KLHL12: variants seen among roughly 807,000 people sequenced by gnomAD.
The protein encoded by KLHL12 is kelch like family member 12.
Under a neutral mutation model 60.8 loss-of-function variants are expected in KLHL12, and 17 were observed. That is an observed-to-expected ratio of 0.28 (90% CI 0.19 to 0.42). The LOEUF is 0.42. Among genes scored for constraint, KLHL12 ranks in the 10% least tolerant of loss-of-function variants. KLHL12 has a pLI of 1.00. For missense variants in KLHL12, 468 were observed against 722.3 expected (o/e 0.65, Z 4.04); for synonymous variants, 220 against 250.9 (o/e 0.88, Z 1.16).
intron 9 of KLHL12, 54 bp from the exon 10 acceptor site, chr1:202,894,336 G>C (rs1424052378): frequency 7.8e-7 from 1 of 1,289,406 alleles, no homozygotes; most frequent in Non-Finnish European, 1.1e-6. Context: ...GCCCATTCCT[G>C]GTCGGTTTTT....
At chr1:202,927,910 A>G (rs1653690174), upstream of KLHL12, among the ~76,000 whole-genome samples, 3 of 147,224 alleles carry the variant, frequency 2.0e-5, no homozygotes, top group South Asian at 6.7e-4. Flanking sequence ...AGAACCTGGG[A>G]GGCGGAGGTT....
chr1:202,927,981 T>TAA (rs375809629), upstream of KLHL12, among the ~76,000 whole-genome samples: 1,055 of 103,624 alleles, frequency 0.01, 19 homozygotes, highest in African/African-American at 0.016. Flanking sequence ...CTCTGTCTCT[T>TAA]AAAAAAAAAA....
At chr1:202,919,042 G>A (rs894807670) in intron 3 of KLHL12, among the ~76,000 whole-genome samples, 4 of 152,178 alleles carry the variant, frequency 2.6e-5, no homozygotes, top group Non-Finnish European at 4.4e-5. Context: ...TCGAGCCCAC[G>A]AGCTTGAGAC....
chr1:202,907,829 G>A (rs1434514173), intron 6 of KLHL12, among the ~76,000 whole-genome samples: 1 of 151,478 alleles, frequency 6.6e-6, no homozygotes, highest in Non-Finnish European at 1.5e-5. Context: ...GACTGCTTGA[G>A]TCCAGGAGGC....
chr1:202,911,207 T>A lies in KLHL12; in HGVS notation c.568-4A>T, dbSNP rs759622136. On this transcript the variant is annotated splice_polypyrimidine_tract_variant and splice_region_variant and intron_variant, in intron 4 of 11. Transcript: ENST00000367261. ...AGACTGGCTCTTCAGAATCCACCTG[T>A]AAATGTATAATTACACACCGTGGAT... is the stretch of plus-strand genomic sequence containing the variant. 3 of 1,613,920 alleles carry A rather than the reference T, an allele frequency of 1.9e-6. No homozygotes were observed. Among genetic ancestry groups the A allele is most frequent in the Non-Finnish European group, 1.7e-6 (2 of 1,179,878 alleles).
rs557590643 is a variant in KLHL12 at position 202,912,196 on chromosome 1, T to C, written c.568-993A>G. ...TCACCTAAGAGATAATTTGAACAGTTTGGAAAAACGGAAGTGATTGAAATC... is the reference window on the plus strand; with the variant it reads ...TCACCTAAGAGATAATTTGAACAGTCTGGAAAAACGGAAGTGATTGAAATC... On this transcript the variant is annotated intron_variant, in intron 4 of 11. Transcript: ENST00000367261. 10 of 975,670 alleles carry C rather than the reference T, an allele frequency of 1.0e-5. No homozygotes were observed. The South Asian group carries it at 1.1e-4, about 11-fold the overall frequency. The allele number at this position is 975,670 out of a possible 1,614,324, so 60.4% of individuals were successfully genotyped here.
Position 202,892,199 on chromosome 1 carries a change from CAT to C in KLHL12, c.*332_*333del. On this transcript the variant is annotated 3_prime_UTR_variant, in exon 12 of 12. Coordinates refer to ENST00000367261, the MANE Select transcript of KLHL12 (RefSeq NM_021633.4). ...CTATACTCACCTTAGTTCTTTGCAACATATGAGGCACAACATACATATAGTAC... is the reference window on the plus strand; with the variant it reads ...CTATACTCACCTTAGTTCTTTGCAACATGAGGCACAACATACATATAGTAC... 4.9e-6 allele frequency: 1 copy of C among 203,208 alleles called. No homozygotes were observed. Among genetic ancestry groups the C allele is most frequent in the Non-Finnish European group, 1.0e-5 (1 of 100,458 alleles). The allele number at this position is 203,208 out of a possible 1,614,324, so 12.6% of individuals were successfully genotyped here.
At chr1:202,894,854 A>G in intron 8 of KLHL12, 105 bp from the exon 9 acceptor site, 7 of 890,962 alleles carry the variant, frequency 7.9e-6, no homozygotes, top group Non-Finnish European at 1.1e-5. Flanking sequence ...GAGAGCAAAA[A>G]CAAAGTATTT....
At chr1:202,904,059 C>T (rs892593627) in intron 6 of KLHL12, among the ~76,000 whole-genome samples, 1 of 151,960 alleles carries the variant, frequency 6.6e-6, no homozygotes, top group East Asian at 1.9e-4. Flanking sequence ...GCTCTTGTTG[C>T]CCAGGCTGGA....
rs1660299689 is a variant in KLHL12, at chr1:202,909,724, T to C, written c.718-600A>G. ...AGGGCTTCCTATGCCTTCTAGCTTC[T>C]GGTTGGGATCAGCCCAACCAAAGGT... On this transcript the variant is annotated intron_variant, in intron 5 of 11. Transcript: ENST00000367261. The surrounding 1 kb of genome is among the most constrained non-coding windows in gnomAD (Gnocchi z 4.1). Among the ~76,000 whole-genome samples, 1 of 152,222 alleles carries C rather than the reference T, an allele frequency of 6.6e-6. No individual in the cohort carries two copies. Among genetic ancestry groups the C allele is most frequent in the Non-Finnish European group, 1.5e-5 (1 of 68,032 alleles).
intron 4 of KLHL12, among the ~76,000 whole-genome samples, chr1:202,913,420 C>G (rs533678490): frequency 6.6e-6 from 1 of 152,280 alleles, no homozygotes; most frequent in Admixed American, 6.5e-5. Flanking sequence ...TCTAAAAACG[C>G]AGATGTTTCA....
At chr1:202,919,375 C>G (rs1660616539) in intron 3 of KLHL12, among the ~76,000 whole-genome samples, 1 of 152,170 alleles carries the variant, frequency 6.6e-6, no homozygotes, top group Admixed American at 6.5e-5. Context: ...TAATGAAATA[C>G]TACCACTTAA....
intron 6 of KLHL12, among the ~76,000 whole-genome samples, chr1:202,908,361 C>T (rs1660258659): frequency 6.6e-6 from 1 of 152,198 alleles, no homozygotes; most frequent in African/African-American, 2.4e-5. Context: ...AGCTAATACA[C>T]ATAGTTATTA....
rs376280169 is a variant in KLHL12, at chr1:202,892,342, C to T, written c.*191G>A. On this transcript the variant is annotated 3_prime_UTR_variant, in exon 12 of 12. Transcript: ENST00000367261. ...ATTCTTTTTCCTGGAATATCTGTTA[C>T]CCACCCTTCTCAGGAACAAGAACCA... 2.8e-5 allele frequency: 16 copies of T among 562,634 alleles called. No homozygotes were observed. Among genetic ancestry groups the T allele is most frequent in the African/African-American group, 2.3e-4 (12 of 52,500 alleles). The allele number at this position is 562,634 out of a possible 1,614,324, so 34.9% of individuals were successfully genotyped here.
intron 9 of KLHL12, 147 bp from the exon 10 acceptor site, chr1:202,894,429 T>G: frequency 1.1e-6 from 1 of 892,144 alleles, no homozygotes; most frequent in Non-Finnish European, 1.8e-6. Flanking sequence ...GACATTATGC[T>G]TATAAGAAAA....
At chr1:202,920,743 T>C (rs1330962156) in intron 2 of KLHL12, among the ~76,000 whole-genome samples, 1 of 152,180 alleles carries the variant, frequency 6.6e-6, no homozygotes, top group Non-Finnish European at 1.5e-5. Context: ...AAGTAGGTAG[T>C]TATCTATACG....
At chr1:202,917,135 A>G (rs1459734922) in intron 4 of KLHL12, among the ~76,000 whole-genome samples, 2 of 152,184 alleles carry the variant, frequency 1.3e-5, no homozygotes, top group African/African-American at 4.8e-5. Flanking sequence ...TAGAATTAGG[A>G]TTGACTTTTC....
At chr1:202,901,963 A>C (rs547749265) in intron 6 of KLHL12, among the ~76,000 whole-genome samples, 6 of 152,354 alleles carry the variant, frequency 3.9e-5, no homozygotes, top group Admixed American at 2.6e-4. Context: ...GTTGAAAAGA[A>C]TTGAAAAGTA....
intron 4 of KLHL12, among the ~76,000 whole-genome samples, chr1:202,917,713 A>C (rs959625956): frequency 6.6e-6 from 1 of 152,130 alleles, no homozygotes; most frequent in Non-Finnish European, 1.5e-5. Flanking sequence ...TATTCTCATG[A>C]TCCTCTTTAT....
Sources: allele counts gnomAD v4.1 joint callset (sites outside exome capture counted in the v4.1 genomes callset), GRCh38; gene constraint gnomAD v4.1.1; non-coding constraint Gnocchi (gnomAD v3.1); transcripts MANE v1.5; gene names NCBI Gene and HGNC (gene_info 2026-07-23, HGNC 2026-07-21).